Variants in NRCAM observed in about 807,000 individuals in gnomAD.
NRCAM encodes neuronal cell adhesion molecule.
In NRCAM, 83 loss-of-function variants were observed where a neutral mutation model predicts 156.5. That is an observed-to-expected ratio of 0.53 (90% CI 0.44 to 0.64). The LOEUF (loss-of-function observed/expected upper bound fraction) is 0.64, where lower values mean the gene tolerates loss of function less well. NRCAM is among the 30% of genes least tolerant of loss of function. NRCAM has a pLI of 0.00. For synonymous variants in NRCAM, 538 were observed against 563.9 expected (o/e 0.95, Z 0.65); for missense variants, 1,417 against 1,597.3 (o/e 0.89, Z 1.92).
At chr7:108,171,489 C>T (rs575829708) in intron 28 of NRCAM, among the ~76,000 whole-genome samples, 76 of 152,208 alleles carry the variant, frequency 5.0e-4, no homozygotes, top group African/African-American at 1.7e-3. Context: ...TGTTTTCAAA[C>T]GCCATGTGCT....
intron 2 of NRCAM, among the ~76,000 whole-genome samples, chr7:108,369,598 C>T (rs940401541): frequency 7.9e-5 from 12 of 151,954 alleles, no homozygotes; most frequent in African/African-American, 2.7e-4. Context: ...GGTTTGTTTT[C>T]TTCTCTGACT....
At chr7:108,412,276 A>G (rs1467206866) in intron 1 of NRCAM, among the ~76,000 whole-genome samples, 1 of 152,032 alleles carries the variant, frequency 6.6e-6, no homozygotes, top group Non-Finnish European at 1.5e-5. Context: ...AAAACCCAAA[A>G]AACGATGAAG....
At chr7:108,237,920 T>C (rs1408783931) in intron 4 of NRCAM, among the ~76,000 whole-genome samples, 151 bp from the exon 5 acceptor site, 1 of 152,206 alleles carries the variant, frequency 6.6e-6, no homozygotes, top group Non-Finnish European at 1.5e-5. Flanking sequence ...AAGGTTGAAT[T>C]TGTGAAGTTG....
intron 1 of NRCAM, among the ~76,000 whole-genome samples, chr7:108,417,070 A>G (rs1475682491): frequency 6.6e-6 from 1 of 152,194 alleles, no homozygotes; most frequent in African/African-American, 2.4e-5. Context: ...CTTCCCTTAA[A>G]GAGTAAGTGA....
At chr7:108,278,185 C>T (rs537711048) in intron 3 of NRCAM, among the ~76,000 whole-genome samples, 2 of 152,356 alleles carry the variant, frequency 1.3e-5, no homozygotes, top group Admixed American at 1.3e-4. Flanking sequence ...AGACAGGCTA[C>T]ACAGGGGTCA....
At chr7:108,297,798 C>G (rs2300014) in intron 3 of NRCAM, among the ~76,000 whole-genome samples, 1 of 152,034 alleles carries the variant, frequency 6.6e-6, no homozygotes, top group Non-Finnish European at 1.5e-5. Flanking sequence ...TGCATGCGCA[C>G]GTATGTGTGT....
intron 26 of NRCAM, among the ~76,000 whole-genome samples, chr7:108,177,398 C>G (rs867239820): frequency 6.6e-6 from 1 of 151,994 alleles, no homozygotes. Flanking sequence ...CTGAGGTGGG[C>G]AGATCACGAG....
rs775651847 is a variant in NRCAM, at chr7:108,149,911, TAAAC to T, written c.3910_3913del (p.Val1304AsnfsTer3). The stretch of plus-strand genomic sequence containing the variant: ...GAATATTGGCAAAGAGCTTAAAAAT[TAAAC>T]AAAGGAATTCATGGCGTTGACAGGA... On this transcript the variant is annotated frameshift_variant and stop_lost, in exon 33 of 33. Coordinates refer to ENST00000379028, the MANE Select transcript of NRCAM (RefSeq NM_001037132.4). LOFTEE classifies it high-confidence loss of function. The T allele has an allele frequency of 3.1e-6, 5 of 1,603,398 alleles. No homozygotes were observed. Among genetic ancestry groups the T allele is most frequent in the South Asian group, 1.1e-5 (1 of 88,888 alleles).
intron 2 of NRCAM, among the ~76,000 whole-genome samples, chr7:108,371,309 G>T (rs2099627019): frequency 6.6e-6 from 1 of 152,246 alleles, no homozygotes; most frequent in Middle Eastern, 3.4e-3. Flanking sequence ...ACATTTCTTG[G>T]AGAATGTGGG....
Position 108,194,323 on chromosome 7 carries a change from A to G in NRCAM, c.1569T>C (p.Tyr523=), listed in dbSNP as rs756160293. 6 of 1,613,692 alleles carry G rather than the reference A, an allele frequency of 3.7e-6. No individual in the cohort carries two copies. In the African/African-American group the frequency reaches 5.3e-5, roughly 14 times the overall value. Residue 523 remains tyrosine, a synonymous_variant, in exon 16 of 33, where the codon TAT becomes TAC. Coordinates refer to ENST00000379028, the MANE Select transcript of NRCAM (RefSeq NM_001037132.4). The part of the protein sequence containing the change: ...PVAQKDSTGT[Y]TCVARNKLGM... ...CTAATTTATTCCTTGCAACACACGT[A>G]TAAGTTCCTGTACTGTCCTTTTGGG...
In NRCAM at chr7:108,197,973, G is replaced by A; in HGVS notation, c.1334C>T (p.Ala445Val). 2.5e-6 allele frequency: 4 copies of A among 1,576,248 alleles called. No individual in the cohort carries two copies. The South Asian group carries it at 4.8e-5, about 19-fold the overall frequency. The change falls in exon 14 of 33, where the codon GCA becomes GTA. Residue 445 changes from alanine (A) to valine (V), a missense_variant. Ala to Val is a moderately conservative substitution (Grantham distance 64). This residue lies in a region of NRCAM where 1,238 missense variants were observed against 1,336.4 expected (regional missense o/e 0.93). Transcript: ENST00000379028. ...GAGCTTACCCAGCACATTTACAAAT[G>A]CGTTTGCCAGTAAATATCCATATTC... The part of the protein sequence containing the change: ...SNEYGYLLAN[A>V]FVNVLAEPPR...
chr7:108,443,348 T>A, intron 1 of NRCAM, among the ~76,000 whole-genome samples: 1 of 152,260 alleles, frequency 6.6e-6, no homozygotes, highest in Non-Finnish European at 1.5e-5. Flanking sequence ...CCAGCTGAAA[T>A]GGTTTTAGAG....
intron 3 of NRCAM, among the ~76,000 whole-genome samples, chr7:108,266,570 G>A (rs1378872590): frequency 6.6e-6 from 1 of 152,206 alleles, no homozygotes; most frequent in African/African-American, 2.4e-5. Flanking sequence ...AGCTCAAAGA[G>A]ATAGAGTTCA....
intron 28 of NRCAM, among the ~76,000 whole-genome samples, chr7:108,174,430 C>T (rs2059701835): frequency 1.3e-5 from 2 of 152,224 alleles, no homozygotes; most frequent in South Asian, 4.1e-4. Context: ...CCTGTTTATA[C>T]TCACCTGATG....
intron 3 of NRCAM, among the ~76,000 whole-genome samples, chr7:108,294,773 T>C (rs1433951312): frequency 6.6e-6 from 1 of 152,212 alleles, no homozygotes; most frequent in Non-Finnish European, 1.5e-5. Flanking sequence ...AGCAGCCCCT[T>C]GTCTAGCTCA....
At position 108,226,240 on chromosome 7, in the gene NRCAM, T is replaced by C; in HGVS notation, c.689A>G (p.Gln230Arg). ...CACCTTCACAGAAATAGGTTGCTTCTGCTGTATGGTTTGAGTATGATTAAA... is the reference window on the plus strand; with the variant it reads ...CACCTTCACAGAAATAGGTTGCTTCCGCTGTATGGTTTGAGTATGATTAAA... The part of the protein sequence containing the change: ...ARFNHTQTIQ[Q>R]KQPISVKVIS... Residue 230 changes from glutamine (Q) to arginine (R), a missense_variant, in exon 9 of 33, where the codon CAG becomes CGG. This residue lies in a region of NRCAM where 1,238 missense variants were observed against 1,336.4 expected (regional missense o/e 0.93). Transcript: ENST00000379028. The C allele has an allele frequency of 6.2e-7, 1 of 1,606,680 alleles. No individual in the cohort carries two copies.
At chr7:108,434,322 C>T (rs2284290) in intron 1 of NRCAM, among the ~76,000 whole-genome samples, 49,346 of 152,014 alleles carry the variant, frequency 0.32, 8,676 homozygotes, top group East Asian at 0.51. Flanking sequence ...GGAAAGCAAA[C>T]AAGAACACCA....
intron 3 of NRCAM, among the ~76,000 whole-genome samples, chr7:108,263,441 A>C (rs2096960466): frequency 6.6e-6 from 1 of 152,222 alleles, no homozygotes; most frequent in African/African-American, 2.4e-5. Context: ...AACAGGTGCA[A>C]AGGGCCATAA....
At chr7:108,217,030 GT>G (rs2089474670) in intron 11 of NRCAM, among the ~76,000 whole-genome samples, 1 of 135,042 alleles carries the variant, frequency 7.4e-6, no homozygotes, top group African/African-American at 2.5e-5. Context: ...TTTTGTACTG[GT>G]TTTTCCTCAT....
Sources: gnomAD v4.1 joint callset for allele counts (sites outside exome capture counted in the v4.1 genomes callset) on GRCh38, gnomAD v4.1.1 for gene constraint, gnomAD v4.1.1 regional missense constraint, MANE v1.5 for transcripts, NCBI Gene and HGNC (gene_info 2026-07-23, HGNC 2026-07-21) for gene names.